The following CLVS2 variants were observed in gnomAD, a reference collection of about 807,000 sequenced individuals.
CLVS2 encodes the protein clavesin 2.
In CLVS2, 19 loss-of-function variants were observed where a neutral mutation model predicts 29.0. The ratio of observed to expected loss-of-function variants is 0.66; its 90% CI spans 0.46 to 0.96. The LOEUF is 0.96. CLVS2 is among the 40% of genes least tolerant of loss of function. CLVS2 has a pLI of 0.00. For missense variants in CLVS2, 294 were observed against 404.1 expected, an observed-to-expected ratio of 0.73 and a Z score of 2.34; for synonymous variants, 161 against 151.3, an observed-to-expected ratio of 1.06 and a Z score of -0.47.
At chr6:123,057,177 G>T (rs1246188167) in intron 5 of CLVS2, among the ~76,000 whole-genome samples, 1 of 152,054 alleles carries the variant, frequency 6.6e-6, no homozygotes, top group Non-Finnish European at 1.5e-5. Context: ...GGGCACCGTA[G>T]CCCCTGCAAG....
chr6:123,016,287 AT>A (rs1300998797), intron 3 of CLVS2, among the ~76,000 whole-genome samples: 1 of 138,132 alleles, frequency 7.2e-6, no homozygotes, highest in Non-Finnish European at 1.5e-5. Context: ...CTGTTTAGAA[AT>A]ACCTACAATC....
At chr6:123,049,807 G>GGT (rs201266693) in intron 4 of CLVS2, among the ~76,000 whole-genome samples, 2 of 143,304 alleles carry the variant, frequency 1.4e-5, no homozygotes, top group African/African-American at 3.0e-5. Context: ...TGTGGGATGG[G>GGT]GGGCGGGGAG....
intron 4 of CLVS2, among the ~76,000 whole-genome samples, chr6:123,050,686 T>G (rs1246894233): frequency 6.6e-6 from 1 of 152,132 alleles, no homozygotes; most frequent in Non-Finnish European, 1.5e-5. Context: ...TAGGGGGGAC[T>G]GCTTTGTACC....
intron 4 of CLVS2, among the ~76,000 whole-genome samples, chr6:123,051,698 A>C (rs1241907704): frequency 1.3e-5 from 2 of 152,192 alleles, no homozygotes; most frequent in Admixed American, 6.5e-5. Context: ...TTCACTCCAG[A>C]TCACTTAGCA....
At position 123,064,100 on chromosome 6, in the gene CLVS2, C is replaced by T. The variant is rs9482329; in HGVS notation, c.*339C>T. On this transcript the variant is annotated 3_prime_UTR_variant, in exon 6 of 6. Coordinates refer to ENST00000275162, the MANE Select transcript of CLVS2 (RefSeq NM_001010852.4). ...GAACTATAACAAAAAGCAGAAAAGA[C>T]ACAGTCAAAGCTAATTAAATGTAGC... 17,996 of 179,760 alleles carry T rather than the reference C, an allele frequency of 0.1. 1,115 individuals are homozygous for T. Among genetic ancestry groups the T allele is most frequent in the African/African-American group, 0.16 (6,793 of 42,302 alleles). The allele number at this position is 179,760 out of a possible 1,614,324, so 11.1% of individuals were successfully genotyped here. A position where few individuals can be genotyped will look rare whatever the true frequency, so the allele number is the denominator to read the frequency against.
chr6:123,026,622 G>A (rs1422886961), intron 3 of CLVS2, among the ~76,000 whole-genome samples: 2 of 152,192 alleles, frequency 1.3e-5, no homozygotes, highest in East Asian at 3.9e-4. Context: ...ATGTAAATAT[G>A]CCTTAGAGAA....
chr6:123,063,633 A>G (rs374320010), intron 5 of CLVS2, 41 bp from the exon 6 acceptor site: 1 of 1,145,334 alleles, frequency 8.7e-7, no homozygotes, highest in Non-Finnish European at 1.3e-6. Flanking sequence ...CTGCACAATT[A>G]CCTGGTAATA....
intron 3 of CLVS2, among the ~76,000 whole-genome samples, chr6:123,022,127 T>G (rs193014692): frequency 3.9e-5 from 6 of 152,192 alleles, no homozygotes; most frequent in Non-Finnish European, 8.8e-5. Context: ...CTTACGTTTA[T>G]TTTATATATA....
intron 3 of CLVS2, among the ~76,000 whole-genome samples, chr6:123,018,549 A>G (rs563023337): frequency 4.0e-4 from 61 of 151,978 alleles, no homozygotes; most frequent in Admixed American, 3.6e-3. Flanking sequence ...TTCTGGTACT[A>G]TATTGCCAGA....
chr6:123,022,086 A>G (rs1165450103), intron 3 of CLVS2, among the ~76,000 whole-genome samples: 1 of 152,016 alleles, frequency 6.6e-6, no homozygotes, highest in Non-Finnish European at 1.5e-5. Flanking sequence ...CCTAGCTGGT[A>G]TGCCTTATTC....
In CLVS2 at chr6:123,053,441, T is replaced by C. The variant is rs1772645025; in HGVS notation, c.676-2365T>C. ...ATGGTAGAAGAAAATCAGAAATGCA[T>C]GAAGAAAATGTTTCAATAAACAGAG... is the stretch of plus-strand genomic sequence containing the variant. On this transcript the variant is annotated intron_variant, in intron 4 of 5. Coordinates refer to ENST00000275162, the MANE Select transcript of CLVS2 (RefSeq NM_001010852.4). Among the ~76,000 whole-genome samples the C allele has an allele frequency of 2.6e-5, 4 of 152,190 alleles. No individual in the cohort carries two copies. In the South Asian group the frequency reaches 8.3e-4, roughly 32 times the overall value.
At chr6:123,009,800 C>T (rs1173611711) in intron 2 of CLVS2, among the ~76,000 whole-genome samples, 1 of 152,002 alleles carries the variant, frequency 6.6e-6, no homozygotes, top group Non-Finnish European at 1.5e-5. Flanking sequence ...CTAGGGATTC[C>T]CTTTTTAGAA....
At chr6:123,021,876 T>C (rs1353991861) in intron 3 of CLVS2, among the ~76,000 whole-genome samples, 2 of 152,064 alleles carry the variant, frequency 1.3e-5, no homozygotes, top group African/African-American at 4.8e-5. Context: ...TTGGCTAGAA[T>C]AGTACAGTTA....
chr6:123,017,876 G>A (rs1342482923), intron 3 of CLVS2, among the ~76,000 whole-genome samples: 1 of 151,982 alleles, frequency 6.6e-6, no homozygotes, highest in Non-Finnish European at 1.5e-5. Context: ...CTAGTTGTAG[G>A]AAGCAGGTGT....
At chr6:123,040,778 A>AGAAAAGAAAAGAAAAGAAAG (rs1397934616) in intron 3 of CLVS2, among the ~76,000 whole-genome samples, 2 of 151,854 alleles carry the variant, frequency 1.3e-5, no homozygotes, top group African/African-American at 4.8e-5. Context: ...AAAAAAGAAA[A>AGAAAAGAAAAGAAAAGAAAG]GAAAAGAAAA....
rs1214323600 is a variant in CLVS2 at position 122,998,533 on chromosome 6, CCTT to C, written c.389+372_389+374del. Among the ~76,000 whole-genome samples, 18 of 152,256 alleles carry C rather than the reference CCTT, an allele frequency of 1.2e-4. No homozygotes were observed. The East Asian group carries it at 2.7e-3, about 23-fold the overall frequency. ...TAAGAAAATGGGGACAACTTTTCCT[CCTT>C]CTTCCTAAAAAAATTCTTAAACTAG... On this transcript the variant is annotated intron_variant, in intron 2 of 5. Transcript: ENST00000275162.
rs1490241734 is a variant in CLVS2 at position 123,064,637 on chromosome 6, G to T, written c.*876G>T. 1 of 151,374 alleles carries T rather than the reference G, an allele frequency of 6.6e-6. No individual in the cohort carries two copies. Among genetic ancestry groups the T allele is most frequent in the Non-Finnish European group, 1.5e-5 (1 of 67,752 alleles). 9.4% of individuals were successfully genotyped at this position (151,374 alleles called of 1,614,324 possible). A position where few individuals can be genotyped will look rare whatever the true frequency, so the allele number is the denominator to read the frequency against. On this transcript the variant is annotated 3_prime_UTR_variant, in exon 6 of 6. Transcript: ENST00000275162. ...AAAATTTTCCACTTACAGATGAGGG[G>T]CTAATTTCTAATTGTTGTGCACTGG...
chr6:123,021,444 A>G (rs1774919376), intron 3 of CLVS2, among the ~76,000 whole-genome samples: 1 of 150,620 alleles, frequency 6.6e-6, no homozygotes, highest in Non-Finnish European at 1.5e-5. Context: ...AAAAATTATT[A>G]TTTTTTCCTC....
chr6:123,022,432 G>A (rs748688528), intron 3 of CLVS2, among the ~76,000 whole-genome samples: 1 of 151,858 alleles, frequency 6.6e-6, no homozygotes. Context: ...CCAGTGATTA[G>A]TTTATGATTA....
Sources: gnomAD v4.1 joint callset for allele counts (sites outside exome capture counted in the v4.1 genomes callset) on GRCh38, gnomAD v4.1.1 for gene constraint, MANE v1.5 for transcripts, NCBI Gene and HGNC (gene_info 2026-07-23, HGNC 2026-07-21) for gene names.